Variants in DENND5A observed in about 807,000 individuals in gnomAD.
DENND5A encodes DENN domain containing 5A.
DENND5A carries 64 observed loss-of-function variants against 140.3 expected under a neutral mutation model. That is an observed-to-expected ratio of 0.46 (90% CI 0.37 to 0.56). The LOEUF is 0.56. Ranked by LOEUF, DENND5A falls within the 20% of genes least tolerant of loss-of-function variation. The probability of loss-of-function intolerance (pLI) is 0.00; values close to 1 mark genes in which losing one functional copy is unlikely to be tolerated. For missense variants in DENND5A, 1,292 were observed against 1,593.8 expected (o/e 0.81, Z 3.22); for synonymous variants, 605 against 607.7 (o/e 1.00, Z 0.07).
intron 1 of DENND5A, among the ~76,000 whole-genome samples, chr11:9,220,621 G>T (rs2873070): frequency 6.6e-6 from 1 of 151,138 alleles, no homozygotes; most frequent in East Asian, 1.9e-4. Flanking sequence ...GCCGGGCACA[G>T]GTGGCTCACA....
intron 1 of DENND5A, among the ~76,000 whole-genome samples, chr11:9,239,113 T>A (rs368510043): frequency 1.4e-4 from 21 of 152,256 alleles, no homozygotes; most frequent in African/African-American, 4.3e-4. Flanking sequence ...ATTACAGGTG[T>A]GAGCCACTGC....
intron 11 of DENND5A, 49 bp downstream of exon 11, chr11:9,165,787 C>G: frequency 6.2e-7 from 1 of 1,606,108 alleles, no homozygotes; most frequent in Non-Finnish European, 8.5e-7. Flanking sequence ...TTGGTCTTAC[C>G]TTGGCTGCTA....
intron 1 of DENND5A, among the ~76,000 whole-genome samples, chr11:9,225,126 A>C (rs762057363): frequency 3.3e-5 from 5 of 152,180 alleles, no homozygotes; most frequent in Non-Finnish European, 5.9e-5. Flanking sequence ...TTGACAATGT[A>C]TCTCTAGAAT....
At chr11:9,217,639 G>A (rs1850146689) in intron 1 of DENND5A, among the ~76,000 whole-genome samples, 1 of 152,284 alleles carries the variant, frequency 6.6e-6, no homozygotes, top group Non-Finnish European at 1.5e-5. Context: ...TCTTTTTAAA[G>A]TGATTAAAAT....
At chr11:9,190,586 T>G (rs1395048668) in intron 5 of DENND5A, among the ~76,000 whole-genome samples, 2 of 152,142 alleles carry the variant, frequency 1.3e-5, no homozygotes, top group Non-Finnish European at 2.9e-5. Flanking sequence ...CACATGGAAC[T>G]CTAAGTCCAT....
chr11:9,195,057 G>T, intron 4 of DENND5A, among the ~76,000 whole-genome samples: 1 of 140,354 alleles, frequency 7.1e-6, no homozygotes, highest in African/African-American at 2.7e-5. Flanking sequence ...AAATATATTG[G>T]TACAGCCAAT....
At chr11:9,151,612 G>A (rs1012310748) in intron 13 of DENND5A, among the ~76,000 whole-genome samples, 2 of 152,118 alleles carry the variant, frequency 1.3e-5, no homozygotes, top group Admixed American at 6.5e-5. Flanking sequence ...TCCAAGAAAG[G>A]TAAACAAATG....
chr11:9,167,071 A>T (rs1683662940), intron 10 of DENND5A, among the ~76,000 whole-genome samples: 1 of 152,166 alleles, frequency 6.6e-6, no homozygotes, highest in Admixed American at 6.6e-5. Context: ...AACAACTGCA[A>T]TTATTTTGTA....
intron 1 of DENND5A, among the ~76,000 whole-genome samples, chr11:9,263,698 C>A (rs1237081152): frequency 6.8e-6 from 1 of 146,922 alleles, no homozygotes; most frequent in African/African-American, 2.5e-5. Context: ...AAAAATTAGC[C>A]GGGCGCGGTG....
At chr11:9,214,233 GT>G (rs1236494203) in intron 1 of DENND5A, among the ~76,000 whole-genome samples, 1 of 152,184 alleles carries the variant, frequency 6.6e-6, no homozygotes, top group African/African-American at 2.4e-5. Flanking sequence ...GAGCCAGGTT[GT>G]TTTGTCTTCA....
chr11:9,188,397 G>A (rs946964682), intron 5 of DENND5A, among the ~76,000 whole-genome samples: 1 of 152,142 alleles, frequency 6.6e-6, no homozygotes, highest in Non-Finnish European at 1.5e-5. Flanking sequence ...CAGTTAATTG[G>A]TACCAGTAGA....
At chr11:9,157,110 A>C (rs1029158521) in intron 12 of DENND5A, among the ~76,000 whole-genome samples, 2 of 152,196 alleles carry the variant, frequency 1.3e-5, no homozygotes, top group Admixed American at 6.5e-5. Flanking sequence ...TTTTACCTCA[A>C]AGCTAAAAGA....
intron 5 of DENND5A, among the ~76,000 whole-genome samples, chr11:9,183,014 T>A (rs968825315): frequency 2.4e-4 from 36 of 152,364 alleles, no homozygotes; most frequent in African/African-American, 8.2e-4. Flanking sequence ...ATACATGTAC[T>A]GAAATATACC....
intron 1 of DENND5A, among the ~76,000 whole-genome samples, chr11:9,230,423 T>G (rs1223680722): frequency 1.3e-5 from 2 of 151,640 alleles, no homozygotes; most frequent in Non-Finnish European, 2.9e-5. Flanking sequence ...AAAAATTTTT[T>G]GCAGACAGGT....
Position 9,150,184 on chromosome 11 carries a change from T to G in DENND5A, c.2632A>C (p.Lys878Gln), listed in dbSNP as rs767936667. Reference protein sequence around the residue: ...MRHIQNIGEIKTDVGKARAWV... With the variant: ...MRHIQNIGEIQTDVGKARAWV... ...GCTCTGGCCTTTCCCACATCAGTCT[T>G]GATTTCCCCGATGTTCTGGATGTGC... The change falls in exon 15 of 23, where the codon AAG (lysine) becomes CAG (glutamine). Residue 878 changes from lysine to glutamine, a missense_variant. This residue lies in a region of DENND5A where 498 missense variants were observed against 689.7 expected (regional missense o/e 0.72). Transcript: ENST00000328194. The G allele has an allele frequency of 2.6e-5, 42 of 1,613,752 alleles. No homozygotes were observed. The highest frequency in any genetic ancestry group is 3.5e-5 in the Non-Finnish European group (41 of 1,179,824).
chr11:9,202,728 T>C (rs958834662), intron 4 of DENND5A, among the ~76,000 whole-genome samples: 1 of 152,120 alleles, frequency 6.6e-6, no homozygotes, highest in Non-Finnish European at 1.5e-5. Context: ...CTCCATTCCA[T>C]CCACCCAGCT....
intron 13 of DENND5A, among the ~76,000 whole-genome samples, chr11:9,151,284 T>C (rs1564883275): frequency 6.6e-6 from 1 of 152,166 alleles, no homozygotes; most frequent in Non-Finnish European, 1.5e-5. Flanking sequence ...AGAGAAGATA[T>C]AATACCTTTA....
At chr11:9,228,534 A>G (rs1369246869) in intron 1 of DENND5A, among the ~76,000 whole-genome samples, 1 of 152,148 alleles carries the variant, frequency 6.6e-6, no homozygotes, top group Non-Finnish European at 1.5e-5. Flanking sequence ...AGATCACCTG[A>G]GGTCAGGAGT....
intron 3 of DENND5A, 62 bp from the exon 4 acceptor site, chr11:9,204,379 A>C: frequency 1.3e-6 from 2 of 1,484,438 alleles, no homozygotes; most frequent in Non-Finnish European, 1.8e-6. Flanking sequence ...CTTTCAGAAC[A>C]CCATCACTAT....
Sources: gnomAD v4.1 joint callset for allele counts (sites outside exome capture counted in the v4.1 genomes callset) on GRCh38, gnomAD v4.1.1 for gene constraint, gnomAD v4.1.1 regional missense constraint, MANE v1.5 for transcripts, NCBI Gene and HGNC (gene_info 2026-07-23, HGNC 2026-07-21) for gene names.